The following TRMT11 variants were observed in gnomAD, a reference collection of about 807,000 sequenced individuals.
TRMT11 encodes the protein tRNA methyltransferase 11, also known as tRNA (guanine(10)-N(2))-methyltransferase TRMT11.
TRMT11 carries 53 observed loss-of-function variants against 62.8 expected under a neutral mutation model. The ratio of observed to expected loss-of-function variants is 0.84; its 90% CI spans 0.68 to 1.06. The LOEUF (loss-of-function observed/expected upper bound fraction) is 1.06, where lower values mean the gene tolerates loss of function less well. Ranked by LOEUF, TRMT11 falls within the 50% of genes least tolerant of loss-of-function variation. The pLI, the probability that TRMT11 is intolerant of heterozygous loss-of-function variation, is 0.00. For missense variants in TRMT11, 556 were observed against 553.4 expected (o/e 1.00, Z -0.05); for synonymous variants, 188 against 190.3 (o/e 0.99, Z 0.10).
intron 17 of TRMT11, among the ~76,000 whole-genome samples, chr6:126,104,158 A>G (rs1777436392): frequency 6.6e-6 from 1 of 152,222 alleles, no homozygotes; most frequent in Admixed American, 6.5e-5. Context: ...TGGCTTGTGG[A>G]GATGGAGCCC....
chr6:126,128,326 A>G (rs1031421338), intron 21 of TRMT11, among the ~76,000 whole-genome samples: 1 of 152,140 alleles, frequency 6.6e-6, no homozygotes, highest in Non-Finnish European at 1.5e-5. Context: ...ATTGGTAGAG[A>G]AAAGATATAA....
chr6:126,014,093 G>A (rs1429657748), intron 11 of TRMT11, among the ~76,000 whole-genome samples: 1 of 152,080 alleles, frequency 6.6e-6, no homozygotes, highest in Non-Finnish European at 1.5e-5. Context: ...TAAATATAAA[G>A]CTATATATAT....
At chr6:126,244,428 G>T in the TRMT11 span, among the ~76,000 whole-genome samples, 6 of 152,080 alleles carry the variant, frequency 3.9e-5, no homozygotes, top group Non-Finnish European at 8.8e-5. Context: ...TTTCCTAGAA[G>T]GGCAAAGATT....
At chr6:126,173,535 G>A (rs144486956), upstream of TRMT11, among the ~76,000 whole-genome samples, 1 of 152,290 alleles carries the variant, frequency 6.6e-6, no homozygotes, top group African/African-American at 2.4e-5. Context: ...GGCAGTCGGG[G>A]CAAGCATGCT....
the TRMT11 span, among the ~76,000 whole-genome samples, chr6:126,215,444 TTC>T: frequency 2.4e-5 from 3 of 123,690 alleles, no homozygotes; most frequent in Admixed American, 1.4e-4. Context: ...ACAATGACAT[TTC>T]TTTGTCTCTT....
chr6:126,114,881 A>T (rs1228783896), intron 19 of TRMT11, among the ~76,000 whole-genome samples: 1 of 152,108 alleles, frequency 6.6e-6, no homozygotes, highest in African/African-American at 2.4e-5. Flanking sequence ...ACACTTGTGG[A>T]CTAAATGGTA....
chr6:126,058,498 AT>A (rs1776435534), intron 17 of TRMT11, among the ~76,000 whole-genome samples: 1 of 152,150 alleles, frequency 6.6e-6, no homozygotes, highest in Non-Finnish European at 1.5e-5. Context: ...GTCAAATGGT[AT>A]TTCTAGTTCT....
intron 12 of TRMT11, among the ~76,000 whole-genome samples, chr6:126,030,662 T>C (rs1774031841): frequency 1.3e-5 from 2 of 152,152 alleles, no homozygotes; most frequent in Non-Finnish European, 2.9e-5. Flanking sequence ...TACTGTCACT[T>C]TGAGACTATA....
At chr6:126,246,593 G>T in the TRMT11 span, among the ~76,000 whole-genome samples, 1 of 152,142 alleles carries the variant, frequency 6.6e-6, no homozygotes, top group Non-Finnish European at 1.5e-5. Context: ...TAAAGTGGAA[G>T]AAAAGAGGAG....
chr6:126,085,969 C>T (rs1480142710), intron 17 of TRMT11, among the ~76,000 whole-genome samples: 1 of 151,704 alleles, frequency 6.6e-6, no homozygotes, highest in Non-Finnish European at 1.5e-5. Flanking sequence ...TAAAATCTTC[C>T]TAAAAACAAC....
chr6:126,079,169 A>G (rs934025095), intron 17 of TRMT11, among the ~76,000 whole-genome samples: 2 of 152,196 alleles, frequency 1.3e-5, no homozygotes, highest in Non-Finnish European at 2.9e-5. Flanking sequence ...AGGACAAGAT[A>G]GCTAAGCTCC....
chr6:126,165,580 T>A (rs1237332483), intron 21 of TRMT11, among the ~76,000 whole-genome samples: 2 of 152,174 alleles, frequency 1.3e-5, no homozygotes, highest in Non-Finnish European at 2.9e-5. Context: ...GGTTGAAAAT[T>A]CTTTTCTTTA....
chr6:126,183,103 A>T (rs1456779760), intron 1 of TRMT11, among the ~76,000 whole-genome samples: 1 of 152,138 alleles, frequency 6.6e-6, no homozygotes, highest in Non-Finnish European at 1.5e-5. Flanking sequence ...ACATTTCCTA[A>T]TATAGCAGGG....
chr6:126,059,671 G>A (rs1776474641), intron 17 of TRMT11, among the ~76,000 whole-genome samples: 2 of 152,138 alleles, frequency 1.3e-5, no homozygotes, highest in African/African-American at 4.8e-5. Context: ...CAAAGCTTAA[G>A]CAACTTGAGG....
intron 17 of TRMT11, among the ~76,000 whole-genome samples, chr6:126,069,613 G>C (rs555862654): frequency 6.6e-6 from 1 of 152,298 alleles, no homozygotes; most frequent in Non-Finnish European, 1.5e-5. Context: ...GCGAAGCTGC[G>C]TGTTATCCTA....
At chr6:126,192,141 T>G (rs1253501071) in intron 1 of TRMT11, among the ~76,000 whole-genome samples, 1 of 152,148 alleles carries the variant, frequency 6.6e-6, no homozygotes, top group Non-Finnish European at 1.5e-5. Context: ...TTTATAGCTT[T>G]TCTTGAAGAG....
intron 17 of TRMT11, among the ~76,000 whole-genome samples, chr6:126,091,657 C>A (rs1465248826): frequency 2.0e-5 from 3 of 152,162 alleles, no homozygotes; most frequent in African/African-American, 7.2e-5. Flanking sequence ...TGGCTTTGTG[C>A]TAGGTCCTTT....
upstream of TRMT11, among the ~76,000 whole-genome samples, chr6:126,176,423 G>A (rs1778385772): frequency 6.9e-6 from 1 of 145,230 alleles, no homozygotes; most frequent in Non-Finnish European, 1.5e-5. Context: ...ACTATAGTCA[G>A]CTCTGGAAAC....
the TRMT11 span, among the ~76,000 whole-genome samples, chr6:126,215,487 T>C: frequency 6.6e-6 from 1 of 152,096 alleles, no homozygotes; most frequent in Non-Finnish European, 1.5e-5. Flanking sequence ...ATCTATTTTG[T>C]CTGATATAAG....
Sources: gnomAD v4.1 joint callset for allele counts (sites outside exome capture counted in the v4.1 genomes callset) on GRCh38, gnomAD v4.1.1 for gene constraint, MANE v1.5 for transcripts, NCBI Gene and HGNC (gene_info 2026-07-23, HGNC 2026-07-21) for gene names.